Variants in KCNIP4 observed in about 807,000 individuals in gnomAD.
KCNIP4 encodes the protein potassium voltage-gated channel interacting protein 4, also known as Kv channel-interacting protein 4.
Under a neutral mutation model 34.0 loss-of-function variants are expected in KCNIP4, and 12 were observed. That is an observed-to-expected ratio of 0.35 (90% CI 0.23 to 0.57). The LOEUF (loss-of-function observed/expected upper bound fraction) is 0.57, where lower values mean the gene tolerates loss of function less well. KCNIP4 is among the 20% of genes least tolerant of loss of function. The pLI is 0.83. For synonymous variants in KCNIP4, 124 were observed against 102.2 expected (o/e 1.21, Z -1.29); for missense variants, 238 against 311.7 (o/e 0.76, Z 1.78).
intron 1 of KCNIP4, among the ~76,000 whole-genome samples, chr4:21,279,339 A>G (rs1762633892): frequency 6.6e-6 from 1 of 152,090 alleles, no homozygotes; most frequent in African/African-American, 2.4e-5. Flanking sequence ...ACAAGCTTTA[A>G]GGTACAATTT....
chr4:21,034,160 T>G (rs1741256137), intron 1 of KCNIP4, among the ~76,000 whole-genome samples: 1 of 152,104 alleles, frequency 6.6e-6, no homozygotes, highest in South Asian at 2.1e-4. Flanking sequence ...AGAAAGAAAT[T>G]TTTTACATCT....
chr4:21,335,474 A>C (rs551320383), intron 1 of KCNIP4, among the ~76,000 whole-genome samples: 2 of 152,292 alleles, frequency 1.3e-5, no homozygotes, highest in East Asian at 3.9e-4. Context: ...TGCATGCAGA[A>C]TCCAGGATTT....
chr4:21,660,925 C>G (rs1748399639), intron 1 of KCNIP4, among the ~76,000 whole-genome samples: 1 of 152,092 alleles, frequency 6.6e-6, no homozygotes, highest in South Asian at 2.1e-4. Flanking sequence ...AGCCTGGAAA[C>G]TTGCAGCCCT....
intron 1 of KCNIP4, among the ~76,000 whole-genome samples, chr4:21,758,626 T>G (rs905172039): frequency 2.0e-5 from 3 of 152,230 alleles, no homozygotes; most frequent in Non-Finnish European, 4.4e-5. Context: ...CATCTTGGTC[T>G]TTGGAATTAG....
rs548505145 is a variant in KCNIP4 at position 21,122,525 on chromosome 4, G to T, written c.62-239816C>A. ...CAATATTTTCCCCCAGTTATTCAGG[G>T]TTATCTGATAATTCTTAGCCCAGTG... On this transcript the variant is annotated intron_variant, in intron 1 of 8. Transcript: ENST00000382152. Among the ~76,000 whole-genome samples, 12 of 150,588 alleles carry T rather than the reference G, an allele frequency of 8.0e-5. 1 individual carries two copies. In the East Asian group the frequency reaches 2.0e-3, roughly 25 times the overall value.
chr4:21,557,415 T>C (rs981384835), intron 1 of KCNIP4, among the ~76,000 whole-genome samples: 1 of 152,192 alleles, frequency 6.6e-6, no homozygotes, highest in African/African-American at 2.4e-5. Flanking sequence ...ATCTACTTAG[T>C]CTTTGACATG....
intron 1 of KCNIP4, among the ~76,000 whole-genome samples, chr4:21,006,276 A>T (rs1030955732): frequency 6.6e-6 from 1 of 152,236 alleles, no homozygotes; most frequent in Admixed American, 6.5e-5. Context: ...TAGATGCTCC[A>T]TAAATTCTAC....
intron 1 of KCNIP4, among the ~76,000 whole-genome samples, chr4:20,900,591 G>A (rs570459914): frequency 2.6e-4 from 39 of 152,174 alleles, no homozygotes; most frequent in Non-Finnish European, 5.3e-4. Context: ...GCAATCTGAA[G>A]TGCCAGATCC....
At chr4:21,458,337 G>A (rs1339360182) in intron 1 of KCNIP4, among the ~76,000 whole-genome samples, 2 of 151,724 alleles carry the variant, frequency 1.3e-5, no homozygotes, top group Non-Finnish European at 2.9e-5. Flanking sequence ...CATATTTTAT[G>A]GCTGCATAGT....
intron 3 of KCNIP4, among the ~76,000 whole-genome samples, chr4:20,774,834 C>G (rs1756235560): frequency 6.6e-6 from 1 of 152,094 alleles, no homozygotes; most frequent in Admixed American, 6.5e-5. Context: ...TGGTCTGAGA[C>G]AAGGTTGGTT....
At position 20,734,681 on chromosome 4, in the gene KCNIP4, T is replaced by C. The variant is rs200994263; in HGVS notation, c.484A>G (p.Asn162Asp). ...ATGTCATACAGATTAAATGCCCAAT[T>C]GAGTTTTTCTTGTACTGTCCCCCGG... ...LLRGTVQEKL[N>D]WAFNLYDINK... Residue 162 changes from asparagine to aspartate, a missense_variant, in exon 6 of 9, where the codon AAT becomes GAT. By Grantham distance (23) the Asn-to-Asp change is conservative (BLOSUM62 1). Transcript: ENST00000382152. 3.7e-6 allele frequency: 6 copies of C among 1,603,972 alleles called. No individual in the cohort carries two copies. Among genetic ancestry groups the C allele is most frequent in the Non-Finnish European group, 5.1e-6 (6 of 1,175,344 alleles).
At chr4:21,197,597 A>G (rs992738301) in intron 1 of KCNIP4, among the ~76,000 whole-genome samples, 2 of 152,144 alleles carry the variant, frequency 1.3e-5, no homozygotes, top group African/African-American at 4.8e-5. Context: ...TTCCATAAAT[A>G]CAGCAAATCA....
chr4:21,176,408 A>G (rs1393391413), intron 1 of KCNIP4, among the ~76,000 whole-genome samples: 2 of 152,170 alleles, frequency 1.3e-5, no homozygotes, highest in Non-Finnish European at 2.9e-5. Flanking sequence ...AAATAAAATA[A>G]ATTGGGGCCA....
chr4:21,771,055 T>C (rs905596541), intron 1 of KCNIP4, among the ~76,000 whole-genome samples: 1 of 152,208 alleles, frequency 6.6e-6, no homozygotes, highest in African/African-American at 2.4e-5. Flanking sequence ...GGTTTTCTTC[T>C]AGGGATCTTA....
At chr4:21,179,102 C>T (rs6845892) in intron 1 of KCNIP4, among the ~76,000 whole-genome samples, 3,975 of 152,262 alleles carry the variant, frequency 0.026, 165 homozygotes, top group African/African-American at 0.088. Context: ...CAGGCGTGAG[C>T]CACCACGCCC....
At chr4:21,750,382 A>G (rs1249015346) in intron 1 of KCNIP4, among the ~76,000 whole-genome samples, 1 of 152,186 alleles carries the variant, frequency 6.6e-6, no homozygotes. Flanking sequence ...AGGTAGCTAA[A>G]GTCTACGGTA....
intron 1 of KCNIP4, among the ~76,000 whole-genome samples, chr4:21,553,330 G>T: frequency 6.6e-6 from 1 of 152,224 alleles, no homozygotes; most frequent in South Asian, 2.1e-4. Context: ...CAGCAGCCTG[G>T]CAGAGGCGTT....
At chr4:21,566,789 G>C (rs962093802) in intron 1 of KCNIP4, among the ~76,000 whole-genome samples, 2 of 152,074 alleles carry the variant, frequency 1.3e-5, no homozygotes, top group African/African-American at 4.8e-5. Flanking sequence ...CCTGATGAGA[G>C]GTCAAAGGAT....
intron 1 of KCNIP4, among the ~76,000 whole-genome samples, chr4:21,305,053 C>G (rs1360444791): frequency 6.6e-6 from 1 of 151,952 alleles, no homozygotes; most frequent in Non-Finnish European, 1.5e-5. Flanking sequence ...CCTCCTAACA[C>G]TGCCCAAATA....
Sources: gnomAD v4.1 joint callset for allele counts (sites outside exome capture counted in the v4.1 genomes callset) on GRCh38, gnomAD v4.1.1 for gene constraint, MANE v1.5 for transcripts, NCBI Gene and HGNC (gene_info 2026-07-23, HGNC 2026-07-21) for gene names.